ANKH: variants seen among roughly 807,000 people sequenced by gnomAD.
ANKH encodes mineralization regulator ANKH.
ANKH carries 15 observed loss-of-function variants against 49.0 expected under a neutral mutation model. The observed-to-expected ratio is 0.31, with a 90% CI of 0.20 to 0.47. The LOEUF is 0.47. ANKH is among the 20% of genes least tolerant of loss of function. ANKH has a pLI of 1.00. For synonymous variants in ANKH, 273 were observed against 260.0 expected, an observed-to-expected ratio of 1.05 and a Z score of -0.48; for missense variants, 429 against 652.0, an observed-to-expected ratio of 0.66 and a Z score of 3.72.
chr5:14,717,320 G>T (rs984889357), intron 8 of ANKH, among the ~76,000 whole-genome samples: 1 of 152,204 alleles, frequency 6.6e-6, no homozygotes, highest in African/African-American at 2.4e-5. Flanking sequence ...TTAGAGTAAG[G>T]ATCAGCCTAT....
chr5:14,790,819 A>C (rs1740141347), intron 1 of ANKH, among the ~76,000 whole-genome samples: 2 of 152,166 alleles, frequency 1.3e-5, no homozygotes, highest in Non-Finnish European at 2.9e-5. Context: ...CATGTTGGCC[A>C]GGCTGGTCTT....
At chr5:14,764,702 C>A (rs1318621237) in intron 2 of ANKH, among the ~76,000 whole-genome samples, 3 of 152,210 alleles carry the variant, frequency 2.0e-5, no homozygotes, top group East Asian at 1.9e-4. Context: ...TAAATTATGG[C>A]AAATTATACT....
At chr5:14,831,151 G>A (rs1741493874) in intron 1 of ANKH, among the ~76,000 whole-genome samples, 1 of 152,184 alleles carries the variant, frequency 6.6e-6, no homozygotes, top group Non-Finnish European at 1.5e-5. Context: ...GAGTGGGACT[G>A]TGGTGTCCAA....
At chr5:14,808,415 A>C (rs1429723538) in intron 1 of ANKH, among the ~76,000 whole-genome samples, 1 of 152,214 alleles carries the variant, frequency 6.6e-6, no homozygotes, top group Non-Finnish European at 1.5e-5. Flanking sequence ...TAATTAAAAA[A>C]TTTCCTACTC....
At chr5:14,805,989 A>G (rs1740699559) in intron 1 of ANKH, among the ~76,000 whole-genome samples, 1 of 152,204 alleles carries the variant, frequency 6.6e-6, no homozygotes, top group Non-Finnish European at 1.5e-5. Flanking sequence ...ATTAACAGGG[A>G]ACTTCTGATT....
chr5:14,769,807 G>A lies in ANKH; in HGVS notation c.97-616C>T, dbSNP rs553135429. Among the ~76,000 whole-genome samples the A allele has an allele frequency of 3.9e-5, 6 of 152,222 alleles. No homozygotes were observed. The South Asian group carries it at 1.2e-3, about 32-fold the overall frequency. On this transcript the variant is annotated intron_variant, in intron 1 of 11. Transcript: ENST00000284268. Reference sequence around the variant, plus strand: ...ATATTTTAACCTGAAATACATTCCTGAGCTCTACACAGACAAATATGAAAA... The same window carrying A: ...ATATTTTAACCTGAAATACATTCCTAAGCTCTACACAGACAAATATGAAAA...
chr5:14,818,876 C>A (rs1414520559), intron 1 of ANKH, among the ~76,000 whole-genome samples: 1 of 152,138 alleles, frequency 6.6e-6, no homozygotes, highest in African/African-American at 2.4e-5. Flanking sequence ...TAGAGGATAC[C>A]TTCAGCAAAT....
chr5:14,712,794 A>T, intron 11 of ANKH, 80 bp downstream of exon 11: 3 of 1,401,748 alleles, frequency 2.1e-6, no homozygotes, highest in Non-Finnish European at 3.0e-6. Context: ...GCCACCATCC[A>T]ACCTGGTCAG....
chr5:14,733,803 T>C (rs1228599071), intron 8 of ANKH, among the ~76,000 whole-genome samples: 1 of 152,230 alleles, frequency 6.6e-6, no homozygotes, highest in Non-Finnish European at 1.5e-5. Flanking sequence ...TCCGAGCTGG[T>C]GCTGGGCTCG....
chr5:14,750,055 T>C (rs1005040175), intron 5 of ANKH, among the ~76,000 whole-genome samples: 3 of 152,204 alleles, frequency 2.0e-5, no homozygotes, highest in Non-Finnish European at 2.9e-5. Flanking sequence ...CAATTTGTGG[T>C]TGGCCTAGTG....
chr5:14,854,579 G>A (rs1324306391), intron 1 of ANKH, among the ~76,000 whole-genome samples: 1 of 152,214 alleles, frequency 6.6e-6, no homozygotes, highest in Admixed American at 6.5e-5. Flanking sequence ...GCATGCACCT[G>A]TGGTCCCAGC....
At chr5:14,793,005 T>TATATATATATATAAATATATATATAA (rs1332982572) in intron 1 of ANKH, among the ~76,000 whole-genome samples, 1 of 60,292 alleles carries the variant, frequency 1.7e-5, no homozygotes, top group Non-Finnish European at 3.8e-5. Flanking sequence ...TATATATATA[T>TATATATATATATAAATATATATATAA]AAATATATAT....
intron 8 of ANKH, among the ~76,000 whole-genome samples, chr5:14,717,556 G>A (rs1737517387): frequency 6.6e-6 from 1 of 152,224 alleles, no homozygotes; most frequent in Non-Finnish European, 1.5e-5. Context: ...TCCAGAGCAG[G>A]ATGGCTGGAA....
At chr5:14,804,528 G>A (rs1402358709) in intron 1 of ANKH, among the ~76,000 whole-genome samples, 1 of 152,244 alleles carries the variant, frequency 6.6e-6, no homozygotes. Context: ...AATAGGCTGG[G>A]AGAGTCTGTG....
intron 8 of ANKH, among the ~76,000 whole-genome samples, chr5:14,738,960 G>A (rs1738269818): frequency 6.6e-6 from 1 of 152,174 alleles, no homozygotes; most frequent in African/African-American, 2.4e-5. Context: ...CTTTCTCAGT[G>A]TCAAGCAGGA....
intron 1 of ANKH, among the ~76,000 whole-genome samples, chr5:14,788,410 C>T (rs1740047711): frequency 6.6e-6 from 1 of 152,190 alleles, no homozygotes; most frequent in African/African-American, 2.4e-5. Flanking sequence ...CTGGCACCAT[C>T]TCTTGGTTGA....
chr5:14,724,647 A>G, intron 8 of ANKH: 1 of 907,636 alleles, frequency 1.1e-6, no homozygotes. Flanking sequence ...TCACTTGCAG[A>G]GTGGGCCATG....
intron 1 of ANKH, among the ~76,000 whole-genome samples, chr5:14,859,685 G>A (rs1269125764): frequency 6.6e-6 from 1 of 152,206 alleles, no homozygotes; most frequent in Non-Finnish European, 1.5e-5. Context: ...CTGCAAAGGG[G>A]CACTGTGGAT....
intron 1 of ANKH, among the ~76,000 whole-genome samples, chr5:14,830,185 T>C (rs1741460971): frequency 6.6e-6 from 1 of 152,116 alleles, no homozygotes; most frequent in Admixed American, 6.5e-5. Flanking sequence ...GTAAGCAAAA[T>C]TGTTACATAG....
Sources: gnomAD v4.1 joint callset for allele counts (sites outside exome capture counted in the v4.1 genomes callset) on GRCh38, gnomAD v4.1.1 for gene constraint, MANE v1.5 for transcripts, NCBI Gene and HGNC (gene_info 2026-07-23, HGNC 2026-07-21) for gene names.